Variants in CTSO observed in about 807,000 individuals in gnomAD.
The protein encoded by CTSO is cathepsin O.
A neutral mutation model predicts 42.4 loss-of-function variants in CTSO; 40 were observed. The ratio of observed to expected loss-of-function variants is 0.94; its 90% confidence interval spans 0.73 to 1.23. The LOEUF (loss-of-function observed/expected upper bound fraction) is 1.23. Among genes scored for constraint, CTSO ranks in the 50% most tolerant of loss-of-function variants. The pLI, the probability that CTSO is intolerant of heterozygous loss-of-function variation, is 0.00. For missense variants in CTSO, 441 were observed against 396.0 expected (o/e 1.11, Z -0.96); for synonymous variants, 156 against 146.2 (o/e 1.07, Z -0.48).
chr4:155,952,994 T>C (rs1432667779), intron 1 of CTSO, among the ~76,000 whole-genome samples: 5 of 152,032 alleles, frequency 3.3e-5, no homozygotes, highest in African/African-American at 1.2e-4. Context: ...AAAATCATTA[T>C]TTGTGCTCAG....
chr4:155,946,088 G>A (rs117170243), intron 1 of CTSO, among the ~76,000 whole-genome samples: 2,190 of 152,208 alleles, frequency 0.014, 28 homozygotes, highest in South Asian at 0.025. Flanking sequence ...GGTTCTACAC[G>A]TGTGTCTGGG....
intron 5 of CTSO, among the ~76,000 whole-genome samples, 160 bp downstream of exon 5, chr4:155,937,202 C>A (rs149027048): frequency 6.6e-6 from 1 of 152,216 alleles, no homozygotes; most frequent in East Asian, 1.9e-4. Context: ...TAAGAAACAA[C>A]ATTTACAACA....
chr4:155,947,495 G>A (rs1370637466), intron 1 of CTSO, among the ~76,000 whole-genome samples: 5 of 152,228 alleles, frequency 3.3e-5, no homozygotes, highest in Middle Eastern at 3.4e-3. Context: ...TCTATTGAAA[G>A]CAATCTGTTG....
At chr4:155,933,834 A>C (rs1743281241) in intron 5 of CTSO, among the ~76,000 whole-genome samples, 1 of 152,340 alleles carries the variant, frequency 6.6e-6, no homozygotes, top group Non-Finnish European at 1.5e-5. Flanking sequence ...AAAGCATTCA[A>C]AAGGTGACTT....
rs34039264 is a variant in CTSO at position 155,940,842 on chromosome 4, C to CAA, written c.385-1306_385-1305dup. Among the ~76,000 whole-genome samples, 1,287 of 136,064 alleles carry CAA rather than the reference C, an allele frequency of 9.5e-3. 18 individuals are homozygous for CAA. Among genetic ancestry groups the CAA allele is most frequent in the African/African-American group, 0.031 (1,118 of 36,372 alleles). The allele number at this position is 136,064 out of a possible 152,430, so 89.3% of individuals were successfully genotyped here. ...TGGGTGACAGAGTGAGACTCCGTCT[C>CAA]AAAAAAAAAAAAGAGAAAAGGTAAC... On this transcript the variant is annotated intron_variant, in intron 3 of 7. Transcript: ENST00000433477.
intron 5 of CTSO, among the ~76,000 whole-genome samples, chr4:155,932,237 C>T (rs755958491): frequency 6.6e-6 from 1 of 151,942 alleles, no homozygotes; most frequent in Non-Finnish European, 1.5e-5. Flanking sequence ...AGGTTCTGTA[C>T]AATGTTTTAA....
Position 155,942,347 on chromosome 4 carries a change from C to T in CTSO, c.354G>A (p.Gln118=). ...GCTGGTTTCTCACTTGTGTCACAACCTGCTTGTCCCTCCAGTCAAATCTTA... is the reference window on the plus strand; with the variant it reads ...GCTGGTTTCTCACTTGTGTCACAACTTGCTTGTCCCTCCAGTCAAATCTTA... ...LPLRFDWRDK[Q]VVTQVRNQQM... The change falls in exon 3 of 8, where the codon CAG becomes CAA. Residue 118 remains glutamine, a synonymous_variant. Transcript: ENST00000433477. 1 of 1,585,400 alleles carries T rather than the reference C, an allele frequency of 6.3e-7. No individual in the cohort carries two copies. The highest frequency in any genetic ancestry group is 8.6e-7 in the Non-Finnish European group (1 of 1,167,456).
intron 1 of CTSO, among the ~76,000 whole-genome samples, chr4:155,943,564 G>A (rs1253464830): frequency 6.6e-6 from 1 of 151,950 alleles, no homozygotes; most frequent in Non-Finnish European, 1.5e-5. Context: ...GACATAGTGG[G>A]AAAAAAGAAA....
chr4:155,930,300 A>C (rs1413322014), intron 5 of CTSO, among the ~76,000 whole-genome samples: 2 of 152,228 alleles, frequency 1.3e-5, no homozygotes, highest in Non-Finnish European at 2.9e-5. Flanking sequence ...AAATATAGAA[A>C]TTATAGGGAA....
intron 3 of CTSO, 145 bp from the exon 4 acceptor site, chr4:155,939,683 A>C: frequency 1.6e-6 from 1 of 613,366 alleles, no homozygotes; most frequent in Non-Finnish European, 2.6e-6. Context: ...CTAGATTTTT[A>C]AACTGAAAAA....
chr4:155,937,281 C>G (rs1255503335), intron 5 of CTSO, 81 bp downstream of exon 5: 1 of 1,111,432 alleles, frequency 9.0e-7, no homozygotes, highest in African/African-American at 1.6e-5. Context: ...TGCAGTGATG[C>G]CTTCAAACAA....
At chr4:155,941,777 C>A (rs1743433839) in intron 3 of CTSO, among the ~76,000 whole-genome samples, 2 of 152,144 alleles carry the variant, frequency 1.3e-5, no homozygotes, top group Admixed American at 6.5e-5. Context: ...ACTTTTAAGG[C>A]CCACAGATTC....
intron 6 of CTSO, among the ~76,000 whole-genome samples, 194 bp downstream of exon 6, chr4:155,929,348 C>T (rs146669973): frequency 8.5e-5 from 13 of 152,278 alleles, no homozygotes; most frequent in East Asian, 1.9e-4. Context: ...ATTCCTCTAG[C>T]GCCGCTGGGT....
chr4:155,930,812 G>T lies in CTSO; in HGVS notation c.675-1107C>A, dbSNP rs548433346. On this transcript the variant is annotated intron_variant, in intron 5 of 7. Transcript: ENST00000433477. ...ATATTCATTTTATACATTTATTCATGTTAACTATTAACATGAATATCTGCT... is the reference window on the plus strand; with the variant it reads ...ATATTCATTTTATACATTTATTCATTTTAACTATTAACATGAATATCTGCT... Among the ~76,000 whole-genome samples, 43 of 152,174 alleles carry T rather than the reference G, an allele frequency of 2.8e-4. No homozygotes were observed. In the East Asian group the frequency reaches 7.9e-3, roughly 28 times the overall value.
rs374282693 is a variant in CTSO at position 155,926,056 on chromosome 4, C to T, written c.946G>A (p.Val316Ile). ...ACATGTCACACAAATATAGAAGAAA[C>T]GGAATCTGCAATACCTAAGGGAAAA... ...GSNVCGIADSVSSIFV is the reference protein window; with the variant it reads ...GSNVCGIADSISSIFV The change falls in exon 8 of 8, where the codon GTT becomes ATT. Residue 316 changes from valine to isoleucine, a missense_variant. By Grantham distance (29) the Val-to-Ile change is conservative. Coordinates refer to ENST00000433477, the MANE Select transcript of CTSO (RefSeq NM_001334.3). 84 of 1,590,482 alleles carry T rather than the reference C, an allele frequency of 5.3e-5. No individual in the cohort carries two copies. Among genetic ancestry groups the T allele is most frequent in the Admixed American group, 3.3e-4 (18 of 54,866 alleles).
rs371937185 is a variant in CTSO at position 155,929,629 on chromosome 4, G to T, written c.751C>A (p.Gln251Lys). 24 of 1,613,688 alleles carry T rather than the reference G, an allele frequency of 1.5e-5. No homozygotes were observed. The African/African-American group carries it at 3.2e-4, about 22-fold the overall frequency. The stretch of plus-strand genomic sequence containing the variant: ...TGTATAATGCCTCCCAGATAATCTT[G>T]CCAGCTCACTGCATCTACTATGACT... ...LVVIVDAVSWQDYLGGIIQHH... is the reference protein window; with the variant it reads ...LVVIVDAVSWKDYLGGIIQHH... The change falls in exon 6 of 8, where the codon CAA becomes AAA. Residue 251 changes from glutamine (Q) to lysine (K), a missense_variant. By Grantham distance (53) the Gln-to-Lys change is moderately conservative. Coordinates refer to ENST00000433477, the MANE Select transcript of CTSO (RefSeq NM_001334.3).
At position 155,925,835 on chromosome 4, in the gene CTSO, G is replaced by T; in HGVS notation, c.*201C>A. 1 of 556,740 alleles carries T rather than the reference G, an allele frequency of 1.8e-6. No individual in the cohort carries two copies. Among genetic ancestry groups the T allele is most frequent in the East Asian group, 3.4e-5 (1 of 29,758 alleles). 34.5% of individuals were successfully genotyped at this position (556,740 alleles called of 1,614,324 possible). A position where few individuals can be genotyped will look rare whatever the true frequency, so the allele number is the denominator to read the frequency against. ...AGGCTTCCTCGCAGGCTTCTGTGCTGGAGTTTGTCCCACTGACTTTGGTTG... is the reference window on the plus strand; with the variant it reads ...AGGCTTCCTCGCAGGCTTCTGTGCTTGAGTTTGTCCCACTGACTTTGGTTG... On this transcript the variant is annotated 3_prime_UTR_variant, in exon 8 of 8. Transcript: ENST00000433477.
intron 5 of CTSO, among the ~76,000 whole-genome samples, chr4:155,936,755 ATCCCTACAT>A (rs1231921751): frequency 6.6e-6 from 1 of 152,156 alleles, no homozygotes; most frequent in East Asian, 1.9e-4. Flanking sequence ...GTCTTTATCT[ATCCCTACAT>A]TCCCATCATG....
chr4:155,947,912 G>T (rs1203911893), intron 1 of CTSO, among the ~76,000 whole-genome samples: 1 of 152,188 alleles, frequency 6.6e-6, no homozygotes, highest in East Asian at 1.9e-4. Flanking sequence ...TGAGAGGAAA[G>T]ACGTAAAGTT....
Sources: allele counts gnomAD v4.1 joint callset (sites outside exome capture counted in the v4.1 genomes callset), GRCh38; gene constraint gnomAD v4.1.1; transcripts MANE v1.5; gene names NCBI Gene and HGNC (gene_info 2026-07-23, HGNC 2026-07-21).